PACSIN2: variants seen among roughly 807,000 people sequenced by gnomAD.
The protein encoded by PACSIN2 is protein kinase C and casein kinase substrate in neurons protein 2.
In PACSIN2, 25 loss-of-function variants were observed where a neutral mutation model predicts 63.8. The ratio of observed to expected loss-of-function variants is 0.39; its 90% CI spans 0.29 to 0.55. The LOEUF is 0.55. Among genes scored for constraint, PACSIN2 ranks in the 20% least tolerant of loss-of-function variants. PACSIN2 has a pLI of 0.62. For missense variants in PACSIN2, 518 were observed against 646.9 expected (o/e 0.80, Z 2.16); for synonymous variants, 255 against 256.2 (o/e 1.00, Z 0.05).
intron 9 of PACSIN2, 125 bp from the exon 10 acceptor site, chr22:42,876,458 A>G: frequency 4.1e-6 from 3 of 735,310 alleles, no homozygotes; most frequent in Non-Finnish European, 6.8e-6. Context: ...CCGAAGGAGC[A>G]CAGGTGGAGC....
intron 2 of PACSIN2, among the ~76,000 whole-genome samples, chr22:42,905,015 G>A (rs1056134161): frequency 6.6e-6 from 1 of 152,350 alleles, no homozygotes; most frequent in East Asian, 1.9e-4. Context: ...AAGGAAAAAT[G>A]TGTCTCTTAA....
intron 2 of PACSIN2, among the ~76,000 whole-genome samples, chr22:42,896,100 T>C (rs1930260759): frequency 6.6e-6 from 1 of 152,230 alleles, no homozygotes; most frequent in Non-Finnish European, 1.5e-5. Context: ...CATATACCAC[T>C]GTCTACCACC....
At chr22:42,999,665 T>C (rs891082258) in intron 1 of PACSIN2, among the ~76,000 whole-genome samples, 5 of 150,558 alleles carry the variant, frequency 3.3e-5, no homozygotes, top group African/African-American at 1.2e-4. Flanking sequence ...TGAAACTCCA[T>C]CTCAAAAAAA....
At chr22:42,957,512 C>T (rs900736931) in intron 1 of PACSIN2, among the ~76,000 whole-genome samples, 4 of 152,240 alleles carry the variant, frequency 2.6e-5, no homozygotes, top group African/African-American at 9.6e-5. Context: ...TTATAACTAA[C>T]TCCCACACCT....
intron 2 of PACSIN2, among the ~76,000 whole-genome samples, chr22:42,899,786 C>T (rs953732773): frequency 2.6e-5 from 4 of 152,126 alleles, no homozygotes; most frequent in South Asian, 2.1e-4. Flanking sequence ...AGCAGTGCAG[C>T]GGGAGGAAGG....
chr22:42,879,846 G>C lies in PACSIN2; in HGVS notation c.907-677C>G, dbSNP rs531334707. On this transcript the variant is annotated intron_variant, in intron 7 of 10. Transcript: ENST00000263246. ...CAAGCAGACTCTCAGTCTCCAAAGC[G>C]CAGGGCCCTCCCCAGTGTTTTGCTG... is the stretch of plus-strand genomic sequence containing the variant. 2.0e-5 allele frequency among the ~76,000 whole-genome samples: 3 copies of C among 152,292 alleles called. No individual in the cohort carries two copies. In the South Asian group the frequency reaches 6.2e-4, roughly 32 times the overall value.
rs562059538 is a variant in PACSIN2, at chr22:42,875,116, C to T, written c.1348+1021G>A. ...CTGTGTGCCTCGGCCTCCCAAAGTG[C>T]TGGGATTACAGGCGTGAGCCACCAT... On this transcript the variant is annotated intron_variant, in intron 10 of 10. Coordinates refer to ENST00000263246, the MANE Select transcript of PACSIN2 (RefSeq NM_001184970.3). Among the ~76,000 whole-genome samples the T allele has an allele frequency of 3.7e-3, 567 of 151,762 alleles. 2 individuals are homozygous for T. Among genetic ancestry groups the T allele is most frequent in the Non-Finnish European group, 6.4e-3 (433 of 67,956 alleles).
chr22:43,012,006 G>T (rs552719594), intron 1 of PACSIN2, among the ~76,000 whole-genome samples: 1 of 152,100 alleles, frequency 6.6e-6, no homozygotes, highest in African/African-American at 2.4e-5. Context: ...TTAGCCAGGC[G>T]TGGTGGTGGA....
chr22:42,951,063 G>T (rs1933669252), intron 1 of PACSIN2, among the ~76,000 whole-genome samples: 1 of 152,164 alleles, frequency 6.6e-6, no homozygotes, highest in African/African-American at 2.4e-5. Flanking sequence ...GAACATGAAA[G>T]TCTGGGCTTT....
At chr22:42,909,744 A>ACACTGG (rs1353830123) in intron 2 of PACSIN2, among the ~76,000 whole-genome samples, 1 of 152,250 alleles carries the variant, frequency 6.6e-6, no homozygotes, top group East Asian at 1.9e-4. Flanking sequence ...CTGACAATAT[A>ACACTGG]CACTGGCAAC....
At chr22:42,894,763 G>C (rs1229945439) in intron 2 of PACSIN2, among the ~76,000 whole-genome samples, 1 of 152,230 alleles carries the variant, frequency 6.6e-6, no homozygotes, top group African/African-American at 2.4e-5. Flanking sequence ...GGCTTGAAAG[G>C]CTACAGTCGC....
intron 1 of PACSIN2, among the ~76,000 whole-genome samples, chr22:42,981,433 A>G (rs1197568027): frequency 4.9e-5 from 5 of 102,304 alleles, no homozygotes; most frequent in Admixed American, 9.7e-5. Context: ...CCTACTGGGA[A>G]GTGAGGAGCC....
chr22:43,003,516 T>C lies in PACSIN2; in HGVS notation c.-78+11505A>G, dbSNP rs371324876. Among the ~76,000 whole-genome samples, 5 of 152,254 alleles carry C rather than the reference T, an allele frequency of 3.3e-5. No homozygotes were observed. The East Asian group carries it at 5.8e-4, about 18-fold the overall frequency. On this transcript the variant is annotated intron_variant, in intron 1 of 10. Transcript: ENST00000263246. ...TACTTGGGAGGCTGAGGCAGGAGAA[T>C]GGTGTGAACCCAGGAGGCGGAGCTT...
At chr22:43,004,947 G>A (rs915104564) in intron 1 of PACSIN2, among the ~76,000 whole-genome samples, 4 of 152,166 alleles carry the variant, frequency 2.6e-5, no homozygotes, top group African/African-American at 9.7e-5. Flanking sequence ...AGGCTGTCCT[G>A]AAAACAAAAT....
At chr22:42,981,871 TG>T (rs1668176033) in intron 1 of PACSIN2, among the ~76,000 whole-genome samples, 1 of 73,988 alleles carries the variant, frequency 1.4e-5, no homozygotes, top group African/African-American at 5.4e-5. Context: ...GGGAGGGAGG[TG>T]GGGGGATCAG....
rs1206584990 is a variant in PACSIN2, at chr22:42,894,261, T to C, written c.61-648A>G. ...AGCTGAAGGCAATTGTTTTTTTTTT[T>C]GAGACACAGTCTCGCTGTCGTCAGG... On this transcript the variant is annotated intron_variant, in intron 2 of 10. Coordinates refer to ENST00000263246, the MANE Select transcript of PACSIN2 (RefSeq NM_001184970.3). Among the ~76,000 whole-genome samples, 3 of 152,038 alleles carry C rather than the reference T, an allele frequency of 2.0e-5. No homozygotes were observed. The East Asian group carries it at 5.8e-4, about 29-fold the overall frequency.
At position 42,871,501 on chromosome 22, in the gene PACSIN2, G is replaced by A. The variant is rs371287701; in HGVS notation, c.1349-32C>T. 1.3e-6 allele frequency: 2 copies of A among 1,513,306 alleles called. No individual in the cohort carries two copies. The highest frequency in any genetic ancestry group is 1.7e-4 in the Middle Eastern group (1 of 5,894). The allele number at this position is 1,513,306 out of a possible 1,614,324, so 93.7% of individuals were successfully genotyped here. A position where few individuals can be genotyped will look rare whatever the true frequency, so the allele number is the denominator to read the frequency against. Reference sequence around the variant, plus strand: ...GACAAAGAGGGAGCCGTCTCCATGAGAGGTATGACACCGACGGTGGGCTAC... The same window carrying A: ...GACAAAGAGGGAGCCGTCTCCATGAAAGGTATGACACCGACGGTGGGCTAC... On this transcript the variant is annotated intron_variant, in intron 10 of 10. Coordinates refer to ENST00000263246, the MANE Select transcript of PACSIN2 (RefSeq NM_001184970.3). This position sits in a 1 kb window ranked among gnomAD's most constrained non-coding sequence, Gnocchi z 5.4.
intron 1 of PACSIN2, among the ~76,000 whole-genome samples, chr22:42,914,938 ACT>A (rs946660368): frequency 6.6e-6 from 1 of 152,180 alleles, no homozygotes; most frequent in African/African-American, 2.4e-5. Context: ...CACACAGCTC[ACT>A]GCAGCCTCGA....
rs35456065 is a variant in PACSIN2 at position 42,913,527 on chromosome 22, A to G, written c.-77-1370T>C. 7.4e-3 allele frequency among the ~76,000 whole-genome samples: 1,125 copies of G among 151,988 alleles called. 7 individuals are homozygous for G. Among genetic ancestry groups the G allele is most frequent in the Middle Eastern group, 0.014 (4 of 294 alleles). On this transcript the variant is annotated intron_variant, in intron 1 of 10. Transcript: ENST00000263246. ...AAAGAGAGACACTAATGGAACCTAC[A>G]ACACAGAATTGCTGCAAGTCAAATA...
Sources: allele counts gnomAD v4.1 joint callset (sites outside exome capture counted in the v4.1 genomes callset), GRCh38; gene constraint gnomAD v4.1.1; non-coding constraint Gnocchi (gnomAD v3.1); transcripts MANE v1.5; gene names NCBI Gene and HGNC (gene_info 2026-07-23, HGNC 2026-07-21).